Variants in SERPINB10 observed in about 807,000 individuals in gnomAD.
The protein encoded by SERPINB10 is serpin B10.
Under a neutral mutation model 39.1 loss-of-function variants are expected in SERPINB10, and 35 were observed. The observed-to-expected ratio is 0.90, with a 90% CI of 0.68 to 1.19. SERPINB10 has a LOEUF of 1.19. Ranked by LOEUF, SERPINB10 falls within the 50% of genes most tolerant of loss-of-function variation. The probability of loss-of-function intolerance (pLI) is 0.00; values close to 1 mark genes in which losing one functional copy is unlikely to be tolerated. For missense variants in SERPINB10, 546 were observed against 460.5 expected, an observed-to-expected ratio of 1.19 and a Z score of -1.70; for synonymous variants, 190 against 158.1, an observed-to-expected ratio of 1.20 and a Z score of -1.52.
chr18:63,925,761 A>G (rs1323081783), intron 5 of SERPINB10, among the ~76,000 whole-genome samples: 1 of 152,022 alleles, frequency 6.6e-6, no homozygotes, highest in Non-Finnish European at 1.5e-5. Context: ...TAGTAACCAC[A>G]GTAGTAATTG....
chr18:63,923,341 C>G (rs545598565), intron 5 of SERPINB10, among the ~76,000 whole-genome samples: 1 of 151,916 alleles, frequency 6.6e-6, no homozygotes, highest in African/African-American at 2.4e-5. Flanking sequence ...TAGACTTTGT[C>G]GAGGCAGAGT....
intron 1 of SERPINB10, among the ~76,000 whole-genome samples, chr18:63,913,789 C>T (rs575923025): frequency 2.6e-5 from 4 of 151,704 alleles, no homozygotes; most frequent in Admixed American, 6.6e-5. Flanking sequence ...TTAATAAGTT[C>T]AATTGGTCAA....
In SERPINB10 at chr18:63,909,738, T is replaced by C. The variant is rs372648702; in HGVS notation, c.-10+1698T>C. 3.9e-4 allele frequency among the ~76,000 whole-genome samples: 59 copies of C among 152,144 alleles called. No homozygotes were observed. The East Asian group carries it at 6.4e-3, about 16-fold the overall frequency. On this transcript the variant is annotated intron_variant, in intron 1 of 7. Coordinates refer to ENST00000238508, the MANE Select transcript of SERPINB10 (RefSeq NM_005024.3). ...AAAAACCAAACATTTTCCGTGTAAA[T>C]TTAATTCATGAGTTTTAAAAATACA...
chr18:63,928,118 T>C (rs531137581), intron 5 of SERPINB10, among the ~76,000 whole-genome samples: 16 of 152,190 alleles, frequency 1.1e-4, no homozygotes, highest in Admixed American at 9.2e-4. Flanking sequence ...TATTAATATT[T>C]TCCTGGAAAA....
At chr18:63,910,161 G>T (rs2050053569) in intron 1 of SERPINB10, among the ~76,000 whole-genome samples, 1 of 151,962 alleles carries the variant, frequency 6.6e-6, no homozygotes, top group Non-Finnish European at 1.5e-5. Flanking sequence ...TTTGAGTATA[G>T]AGAATTCCTG....
chr18:63,921,414 C>T (rs1484835827), intron 5 of SERPINB10, among the ~76,000 whole-genome samples: 2 of 151,916 alleles, frequency 1.3e-5, no homozygotes, highest in Non-Finnish European at 2.9e-5. Context: ...TGAATGGGTA[C>T]ACCAATCACA....
intron 7 of SERPINB10, among the ~76,000 whole-genome samples, chr18:63,934,223 T>C (rs1416721516): frequency 6.6e-6 from 1 of 152,184 alleles, no homozygotes; most frequent in Non-Finnish European, 1.5e-5. Context: ...TATACATATA[T>C]ACATACATAT....
chr18:63,924,963 A>G (rs934407526), intron 5 of SERPINB10, among the ~76,000 whole-genome samples: 12 of 152,014 alleles, frequency 7.9e-5, no homozygotes, highest in African/African-American at 2.9e-4. Context: ...CTTCGACTAT[A>G]TATTTTAAGG....
chr18:63,925,364 C>A lies in SERPINB10; in HGVS notation c.491-4681C>A, dbSNP rs542044502. Among the ~76,000 whole-genome samples the A allele has an allele frequency of 4.1e-4, 62 of 152,082 alleles. 1 individual carries two copies. The highest frequency in any genetic ancestry group is 1.4e-3 in the East Asian group (7 of 5,160). On this transcript the variant is annotated intron_variant, in intron 5 of 7. Transcript: ENST00000238508. ...ATATCTGACACCAAGATCTTGATTT[C>A]TAAACTCCTTCTTTCAAAAAAAGAA...
intron 1 of SERPINB10, among the ~76,000 whole-genome samples, chr18:63,911,116 T>C (rs1181648939): frequency 1.3e-5 from 2 of 152,106 alleles, no homozygotes; most frequent in Non-Finnish European, 2.9e-5. Flanking sequence ...GTTCATGTCC[T>C]TTGGCATTTT....
chr18:63,911,819 G>A (rs985816326), intron 1 of SERPINB10, among the ~76,000 whole-genome samples: 77 of 152,088 alleles, frequency 5.1e-4, no homozygotes, highest in African/African-American at 1.3e-3. Flanking sequence ...GAAAAATGAC[G>A]TTGGTAGTTT....
In SERPINB10 at chr18:63,919,840, A is replaced by T. The variant is rs200708359; in HGVS notation, c.425A>T (p.Asn142Ile). 58 of 1,610,130 alleles carry T rather than the reference A, an allele frequency of 3.6e-5. No homozygotes were observed. Among genetic ancestry groups the T allele is most frequent in the Non-Finnish European group, 1.7e-6 (2 of 1,178,084 alleles). ...TYFGAEPQPV[N>I]FVEASDQIRK... is the part of the protein sequence containing the mutation. ...TTTGGTGCAGAACCTCAGCCTGTTAACTTTGTGGAAGCTTCTGATCAAATC... is the reference window on the plus strand; with the variant it reads ...TTTGGTGCAGAACCTCAGCCTGTTATCTTTGTGGAAGCTTCTGATCAAATC... Residue 142 changes from asparagine to isoleucine, a missense_variant, in exon 5 of 8, where the codon AAC (asparagine) becomes ATC (isoleucine). By Grantham distance (149) the Asn-to-Ile change is moderately radical. Coordinates refer to ENST00000238508, the MANE Select transcript of SERPINB10 (RefSeq NM_005024.3).
In SERPINB10 at chr18:63,915,611, G is replaced by A; in HGVS notation, c.101G>A (p.Ser34Asn). Residue 34 changes from serine (S) to asparagine (N), a missense_variant, in exon 2 of 8, where the codon AGC becomes AAC. Ser to Asn is a conservative substitution (Grantham distance 46). Coordinates refer to ENST00000238508, the MANE Select transcript of SERPINB10 (RefSeq NM_005024.3). Reference sequence around the variant, plus strand: ...AAAAATATCTTCTTTTCTTCCTGGAGCATCTCAACTTCCTTGACCATAGTG... The same window carrying A: ...AAAAATATCTTCTTTTCTTCCTGGAACATCTCAACTTCCTTGACCATAGTG... The part of the protein sequence containing the change: ...QGKNIFFSSW[S>N]ISTSLTIVYL... The A allele has an allele frequency of 6.2e-7, 1 of 1,612,798 alleles. No homozygotes were observed. The highest frequency in any genetic ancestry group is 8.5e-7 in the Non-Finnish European group (1 of 1,179,246).
chr18:63,909,986 T>C (rs1271234789), intron 1 of SERPINB10, among the ~76,000 whole-genome samples: 1 of 152,012 alleles, frequency 6.6e-6, no homozygotes, highest in African/African-American at 2.4e-5. Context: ...TCATAAGCTT[T>C]TGGAGTAGAC....
At chr18:63,923,251 C>A (rs192817727) in intron 5 of SERPINB10, among the ~76,000 whole-genome samples, 138 of 152,008 alleles carry the variant, frequency 9.1e-4, no homozygotes, top group Middle Eastern at 3.4e-3. Flanking sequence ...TCTGTATTTT[C>A]TATTTTGGAC....
In SERPINB10 at chr18:63,930,169, G is replaced by A. The variant is rs1273221859; in HGVS notation, c.615G>A (p.Lys205=). 2 of 1,613,058 alleles carry A rather than the reference G, an allele frequency of 1.2e-6. No individual in the cohort carries two copies. The highest frequency in any genetic ancestry group is 1.7e-5 in the Admixed American group (1 of 59,866). The change falls in exon 6 of 8, where the codon AAG becomes AAA. Residue 205 remains lysine (K), a synonymous_variant. Transcript: ENST00000238508. ...TCTTAGTGCAAAACACCACAGAAAA[G>A]CCTTTTAGAATAAACGAGGTAGGAA... ...HQFLVQNTTE[K]PFRINETTSK...
At chr18:63,918,196 A>G (rs1361903320) in intron 4 of SERPINB10, 94 bp downstream of exon 4, 25 of 1,339,068 alleles carry the variant, frequency 1.9e-5, no homozygotes, top group South Asian at 2.5e-5. Flanking sequence ...GGATCCAGGG[A>G]CAATCTTCAT....
chr18:63,916,995 G>A (rs75194616), intron 2 of SERPINB10, among the ~76,000 whole-genome samples: 381 of 151,926 alleles, frequency 2.5e-3, no homozygotes, highest in Non-Finnish European at 3.5e-3. Context: ...CAAACATTGC[G>A]CCTAAATATG....
At chr18:63,923,236 A>T (rs1203284749) in intron 5 of SERPINB10, among the ~76,000 whole-genome samples, 1 of 151,972 alleles carries the variant, frequency 6.6e-6, no homozygotes, top group Non-Finnish European at 1.5e-5. Flanking sequence ...GAAAGCTGTA[A>T]TCCTTCTGTA....
Sources: allele counts gnomAD v4.1 joint callset (sites outside exome capture counted in the v4.1 genomes callset), GRCh38; gene constraint gnomAD v4.1.1; transcripts MANE v1.5; gene names NCBI Gene and HGNC (gene_info 2026-07-23, HGNC 2026-07-21).